The following NAV1 variants were observed in gnomAD, a reference collection of about 807,000 sequenced individuals.
NAV1 encodes pore membrane and/or filament interacting like protein 3.
Under a neutral mutation model 175.2 loss-of-function variants are expected in NAV1, and 18 were observed. That is an observed-to-expected ratio of 0.10 (90% CI 0.07 to 0.15). The LOEUF (loss-of-function observed/expected upper bound fraction) is 0.15, where lower values mean the gene tolerates loss of function less well. Ranked by LOEUF, NAV1 falls within the 10% of genes least tolerant of loss-of-function variation. NAV1 has a pLI of 1.00. For synonymous variants in NAV1, 897 were observed against 978.7 expected (o/e 0.92, Z 1.56); for missense variants, 1,731 against 2,436.6 (o/e 0.71, Z 6.10).
intron 1 of NAV1, among the ~76,000 whole-genome samples, chr1:201,665,591 C>CT (rs1669792594): frequency 1.5e-5 from 1 of 68,110 alleles, no homozygotes; most frequent in South Asian, 3.3e-4. Flanking sequence ...GAGCACCCCA[C>CT]CCCCCCCACT....
rs1677206389 is a variant in NAV1, at chr1:201,792,930, A to C, written c.3322-862A>C. ...TGCCGTCGATTTCCTAGAGCTCTGC[A>C]TGAAGGAGCTGCGCAGAGTATGCCC... On this transcript the variant is annotated intron_variant, in intron 13 of 29. Transcript: ENST00000367296. The C allele has an allele frequency of 1.3e-5, 2 of 152,246 alleles. 1 individual carries two copies. The highest frequency in any genetic ancestry group is 2.9e-5 in the Non-Finnish European group (2 of 68,078). The allele number at this position is 152,246 out of a possible 1,614,324, so 9.4% of individuals were successfully genotyped here.
Position 201,740,692 on chromosome 1 carries a change from G to A in NAV1, c.1226+21937G>A, listed in dbSNP as rs79994278. Reference sequence around the variant, plus strand: ...AGTGAAGCCTGGTGCTCTACCCTGGGAAGGGGTGAAAAATCGGAGAGCCGG... The same window carrying A: ...AGTGAAGCCTGGTGCTCTACCCTGGAAAGGGGTGAAAAATCGGAGAGCCGG... On this transcript the variant is annotated intron_variant, in intron 3 of 29. Transcript: ENST00000367296. This position sits in a 1 kb window ranked among gnomAD's most constrained non-coding sequence, Gnocchi z 4.7. Among the ~76,000 whole-genome samples, 273 of 152,276 alleles carry A rather than the reference G, an allele frequency of 1.8e-3. 1 individual carries two copies. Among genetic ancestry groups the A allele is most frequent in the Non-Finnish European group, 3.2e-3 (220 of 68,020 alleles).
At chr1:201,806,321 T>C (rs2102800245) in intron 17 of NAV1, among the ~76,000 whole-genome samples, 1 of 152,266 alleles carries the variant, frequency 6.6e-6, no homozygotes, top group South Asian at 2.1e-4. Context: ...CAGAAAAAGT[T>C]GTGAGATATC....
intron 2 of NAV1, among the ~76,000 whole-genome samples, chr1:201,642,736 T>TTCCC (rs889125032): frequency 6.8e-6 from 1 of 146,400 alleles, no homozygotes; most frequent in Admixed American, 6.8e-5. Flanking sequence ...CCTTCCTTTC[T>TTCCC]TCCCTCCCTC....
intron 1 of NAV1, among the ~76,000 whole-genome samples, chr1:201,656,261 G>A (rs934569176): frequency 6.6e-6 from 1 of 152,352 alleles, no homozygotes; most frequent in Non-Finnish European, 1.5e-5. Context: ...TAATTTCTGG[G>A]CGACAGCTTT....
intron 1 of NAV1, among the ~76,000 whole-genome samples, chr1:201,555,158 T>G (rs1349809013): frequency 6.6e-6 from 1 of 152,218 alleles, no homozygotes; most frequent in East Asian, 1.9e-4. Context: ...ATGACCCTAT[T>G]TCCAAATAAG....
intron 3 of NAV1, among the ~76,000 whole-genome samples, chr1:201,753,754 T>C (rs771477277): frequency 1.3e-5 from 2 of 152,200 alleles, no homozygotes; most frequent in African/African-American, 2.4e-5. Context: ...CTAGGCAAAC[T>C]CCACATAGGA....
chr1:201,621,831 A>G (rs150396787), upstream of NAV1, among the ~76,000 whole-genome samples: 845 of 152,314 alleles, frequency 5.5e-3, 11 homozygotes, highest in African/African-American at 0.019. Context: ...AACATTTTTT[A>G]TGGCTTCATT....
chr1:201,649,478 G>C (rs1322418630), intron 1 of NAV1, 53 bp downstream of exon 5: 2 of 1,450,326 alleles, frequency 1.4e-6, no homozygotes, highest in Non-Finnish European at 1.8e-6. Flanking sequence ...CTAACCAGCT[G>C]CTGGGGAAGG....
At chr1:201,736,224 T>C (rs769949425) in intron 3 of NAV1, among the ~76,000 whole-genome samples, 4 of 151,832 alleles carry the variant, frequency 2.6e-5, no homozygotes, top group Non-Finnish European at 5.9e-5. Flanking sequence ...GTGGACAGAG[T>C]TGTGGATACC....
chr1:201,810,225 T>C lies in NAV1; in HGVS notation c.4561+120T>C. The C allele has an allele frequency of 3.7e-6, 5 of 1,339,020 alleles. No individual in the cohort carries two copies. The highest frequency in any genetic ancestry group is 5.1e-6 in the Non-Finnish European group (5 of 978,724). The allele number at this position is 1,339,020 out of a possible 1,614,324, so 82.9% of individuals were successfully genotyped here. A position where few individuals can be genotyped will look rare whatever the true frequency, so the allele number is the denominator to read the frequency against. On this transcript the variant is annotated intron_variant, in intron 23 of 29. Transcript: ENST00000367296. This position sits in a 1 kb window ranked among gnomAD's most constrained non-coding sequence, Gnocchi z 6.0. Reference sequence around the variant, plus strand: ...CTGAGAAGGTATAATATGAAGATGCTTAAGTAATGTGAGATATAAAAAGAT... The same window carrying C: ...CTGAGAAGGTATAATATGAAGATGCCTAAGTAATGTGAGATATAAAAAGAT...
chr1:201,614,813 T>A (rs1667956420), intron 2 of NAV1, among the ~76,000 whole-genome samples: 1 of 152,242 alleles, frequency 6.6e-6, no homozygotes, highest in South Asian at 2.1e-4. Flanking sequence ...ACTAGCTGTG[T>A]GATCGTGAGA....
At chr1:201,573,135 C>T (rs1402929648) in intron 1 of NAV1, among the ~76,000 whole-genome samples, 1 of 152,236 alleles carries the variant, frequency 6.6e-6, no homozygotes, top group Non-Finnish European at 1.5e-5. Context: ...CTGAATTATG[C>T]ATAGGCACAT....
At chr1:201,731,081 G>A (rs1672838569) in intron 3 of NAV1, among the ~76,000 whole-genome samples, 2 of 152,116 alleles carry the variant, frequency 1.3e-5, no homozygotes, top group Admixed American at 6.5e-5. Flanking sequence ...GAGACCGAAA[G>A]CACATAGCTA....
exon 1 of NAV1, chr1:201,648,984 C>T: frequency 1.2e-6 from 2 of 1,613,388 alleles, no homozygotes; most frequent in Admixed American, 1.7e-5. Flanking sequence ...AAAGCTGCAG[C>T]TTTATGAGCC....
intron 1 of NAV1, among the ~76,000 whole-genome samples, chr1:201,571,016 G>A (rs1415488344): frequency 6.6e-6 from 1 of 152,252 alleles, no homozygotes; most frequent in Non-Finnish European, 1.5e-5. Context: ...TGCCAGGGTC[G>A]AGGTGTCCTG....
chr1:201,713,036 A>G (rs1671977869), intron 2 of NAV1, 117 bp downstream of exon 6: 15 of 694,744 alleles, frequency 2.2e-5, no homozygotes, highest in Non-Finnish European at 3.9e-5. Context: ...AGGTGGCCTG[A>G]TGCGTGGAGC....
At position 201,740,835 on chromosome 1, in the gene NAV1, T is replaced by C. The variant is rs966335483; in HGVS notation, c.1226+22080T>C. 4.6e-5 allele frequency among the ~76,000 whole-genome samples: 7 copies of C among 151,998 alleles called. No individual in the cohort carries two copies. The highest frequency in any genetic ancestry group is 1.3e-4 in the Admixed American group (2 of 15,278). On this transcript the variant is annotated intron_variant, in intron 3 of 29. Transcript: ENST00000367296. The surrounding 1 kb of genome is among the most constrained non-coding windows in gnomAD (Gnocchi z 4.7). ...CAGCTGGCCCTGGGACTCTCTGAGC[T>C]GACTTGGAAACTGCACTTCCAAGGG...
chr1:201,760,554 A>G (rs937759180), intron 3 of NAV1, among the ~76,000 whole-genome samples: 3 of 152,162 alleles, frequency 2.0e-5, no homozygotes, highest in Admixed American at 1.3e-4. Flanking sequence ...TTCTTCATCC[A>G]GAGTTGTTCA....
Sources: allele counts gnomAD v4.1 joint callset (sites outside exome capture counted in the v4.1 genomes callset), GRCh38; gene constraint gnomAD v4.1.1; non-coding constraint Gnocchi (gnomAD v3.1); transcripts MANE v1.5; gene names NCBI Gene and HGNC (gene_info 2026-07-23, HGNC 2026-07-21).